The following NR2C1 variants were observed in gnomAD, a reference collection of about 807,000 sequenced individuals.
NR2C1 encodes the protein nuclear receptor subfamily 2 group C member 1, also known as TR2 nuclear hormone receptor.
A neutral mutation model predicts 74.8 loss-of-function variants in NR2C1; 33 were observed. The observed-to-expected ratio is 0.44, with a 90% CI of 0.33 to 0.59. The LOEUF is 0.59. Ranked by LOEUF, NR2C1 falls within the 20% of genes least tolerant of loss-of-function variation. NR2C1 has a pLI of 0.02. For missense variants in NR2C1, 568 were observed against 715.6 expected, an observed-to-expected ratio of 0.79 and a Z score of 2.35; for synonymous variants, 225 against 240.6, an observed-to-expected ratio of 0.94 and a Z score of 0.60.
chr12:95,055,335 G>A (rs1464054119), intron 7 of NR2C1, among the ~76,000 whole-genome samples: 1 of 152,188 alleles, frequency 6.6e-6, no homozygotes, highest in Non-Finnish European at 1.5e-5. Flanking sequence ...GAGTTAATAT[G>A]TCAGTAAAAC....
intron 12 of NR2C1, 70 bp downstream of exon 12, chr12:95,028,317 C>A: frequency 7.6e-7 from 1 of 1,321,112 alleles, no homozygotes. Context: ...CCACTTGCAA[C>A]ATATGAGGGC....
At chr12:95,030,596 T>C (rs1869959897) in intron 11 of NR2C1, 5 of 1,613,290 alleles carry the variant, frequency 3.1e-6, no homozygotes, top group South Asian at 1.1e-5. Flanking sequence ...AGTAGATCTA[T>C]TTTTGATGAC....
intron 9 of NR2C1, among the ~76,000 whole-genome samples, chr12:95,048,711 G>A (rs1872615164): frequency 1.4e-5 from 2 of 143,966 alleles, no homozygotes; most frequent in Non-Finnish European, 1.5e-5. Context: ...CATAACCTCC[G>A]CCTCCCGAGT....
chr12:95,029,106 G>C (rs1177501520), intron 11 of NR2C1, among the ~76,000 whole-genome samples: 10 of 152,166 alleles, frequency 6.6e-5, no homozygotes, highest in Admixed American at 6.5e-4. Context: ...TCTTGAGACA[G>C]GGTCTCGCTC....
chr12:95,045,895 G>A (rs78896785), intron 9 of NR2C1, among the ~76,000 whole-genome samples: 2 of 152,042 alleles, frequency 1.3e-5, no homozygotes, highest in East Asian at 3.9e-4. Flanking sequence ...CTGGAAGGCA[G>A]TGATGCAATC....
chr12:95,029,592 C>T (rs1259725743), intron 11 of NR2C1, among the ~76,000 whole-genome samples: 1 of 142,198 alleles, frequency 7.0e-6, no homozygotes, highest in Non-Finnish European at 1.5e-5. Context: ...GAGTCTCGCT[C>T]TGTCGCCCAG....
intron 12 of NR2C1, among the ~76,000 whole-genome samples, chr12:95,026,412 A>G (rs1033367142): frequency 9.2e-5 from 14 of 152,156 alleles, no homozygotes; most frequent in Non-Finnish European, 1.3e-4. Context: ...CATTACACAA[A>G]AACAGAAATA....
intron 12 of NR2C1, among the ~76,000 whole-genome samples, chr12:95,027,742 A>G (rs909693257): frequency 3.3e-5 from 5 of 149,962 alleles, no homozygotes; most frequent in African/African-American, 7.6e-5. Context: ...TCTAAAAAAA[A>G]AAAGTATACA....
chr12:95,026,663 TA>T (rs1869403735), intron 12 of NR2C1, among the ~76,000 whole-genome samples: 1 of 152,182 alleles, frequency 6.6e-6, no homozygotes, highest in Non-Finnish European at 1.5e-5. Context: ...TAAGAAACAT[TA>T]GAAGAAATAG....
At chr12:95,061,536 T>C (rs972022866) in intron 3 of NR2C1, among the ~76,000 whole-genome samples, 1 of 152,240 alleles carries the variant, frequency 6.6e-6, no homozygotes, top group African/African-American at 2.4e-5. Flanking sequence ...ATAAAACAAC[T>C]TCTTATAAAT....
chr12:95,071,429 A>C (rs1187749917), intron 1 of NR2C1, among the ~76,000 whole-genome samples: 1 of 152,170 alleles, frequency 6.6e-6, no homozygotes, highest in African/African-American at 2.4e-5. Flanking sequence ...AACGGCAACG[A>C]ATTATATTTA....
intron 2 of NR2C1, among the ~76,000 whole-genome samples, chr12:95,063,099 CAG>C (rs1427449031): frequency 2.0e-5 from 3 of 152,040 alleles, no homozygotes; most frequent in Middle Eastern, 3.2e-3. Context: ...TGGGGAAAGA[CAG>C]ATAATAAATA....
At chr12:95,067,125 A>G in intron 2 of NR2C1, 1 of 586,002 alleles carries the variant, frequency 1.7e-6, no homozygotes, top group East Asian at 3.0e-5. Context: ...CTGTGCTCCC[A>G]TTGCACCTGA....
At chr12:95,055,083 G>C (rs561560021) in intron 7 of NR2C1, among the ~76,000 whole-genome samples, 4 of 152,180 alleles carry the variant, frequency 2.6e-5, no homozygotes, top group African/African-American at 7.2e-5. Context: ...TAAGGTCACC[G>C]ATCAACAGGA....
At chr12:95,028,251 A>C (rs894559164) in intron 12 of NR2C1, 136 bp downstream of exon 12, 10 of 654,084 alleles carry the variant, frequency 1.5e-5, no homozygotes, top group Non-Finnish European at 2.3e-5. Context: ...CTCCATGTTT[A>C]ACCTTTTGAA....
chr12:95,032,402 G>A, intron 10 of NR2C1, among the ~76,000 whole-genome samples: 1 of 150,726 alleles, frequency 6.6e-6, no homozygotes, highest in East Asian at 1.9e-4. Flanking sequence ...AGCTTGCAGT[G>A]AGCAGAGGTC....
intron 2 of NR2C1, among the ~76,000 whole-genome samples, chr12:95,063,488 T>C (rs1934538572): frequency 6.6e-6 from 1 of 152,100 alleles, no homozygotes; most frequent in African/African-American, 2.4e-5. Context: ...GATTTCCTAA[T>C]GTGTGAAATG....
rs80157865 is a variant in NR2C1, at chr12:95,071,397, G to A, written c.-8+1983C>T. Among the ~76,000 whole-genome samples the A allele has an allele frequency of 5.6e-3, 851 of 152,304 alleles. 7 individuals are homozygous for A. Among genetic ancestry groups the A allele is most frequent in the African/African-American group, 0.019 (797 of 41,572 alleles). ...AGTTCATAAAAGACTTCAAGAGGCT[G>A]TAGATGGTCTTGTCACTGAAAAACG... On this transcript the variant is annotated intron_variant, in intron 1 of 13. Transcript: ENST00000333003.
chr12:95,064,446 G>A (rs1875334730), intron 2 of NR2C1, among the ~76,000 whole-genome samples: 1 of 152,110 alleles, frequency 6.6e-6, no homozygotes, highest in African/African-American at 2.4e-5. Flanking sequence ...ACCAGGAACA[G>A]GGTAGCAGCC....
Sources: allele counts gnomAD v4.1 joint callset (sites outside exome capture counted in the v4.1 genomes callset), GRCh38; gene constraint gnomAD v4.1.1; transcripts MANE v1.5; gene names NCBI Gene and HGNC (gene_info 2026-07-23, HGNC 2026-07-21).